The following PARVA variants were observed in gnomAD, a reference collection of about 807,000 sequenced individuals.
PARVA encodes the protein parvin alpha.
A neutral mutation model predicts 52.6 loss-of-function variants in PARVA; 25 were observed. The ratio of observed to expected loss-of-function variants is 0.48; its 90% CI spans 0.35 to 0.66. The LOEUF is 0.66. PARVA is among the 30% of genes least tolerant of loss of function. The probability of loss-of-function intolerance (pLI) is 0.01; values close to 1 mark genes in which losing one functional copy is unlikely to be tolerated. For synonymous variants in PARVA, 185 were observed against 179.1 expected (o/e 1.03, Z -0.26); for missense variants, 373 against 450.9 (o/e 0.83, Z 1.56).
chr11:12,518,000 A>G (rs1442894845), intron 11 of PARVA, among the ~76,000 whole-genome samples: 1 of 152,166 alleles, frequency 6.6e-6, no homozygotes, highest in Admixed American at 6.5e-5. Context: ...AGAGATGACA[A>G]GGAAAGTGAC....
At chr11:12,477,039 G>C (rs1004423027) in intron 3 of PARVA, 2 of 152,144 alleles carry the variant, frequency 1.3e-5, no homozygotes, top group East Asian at 1.9e-4. Context: ...TCTGTATCTC[G>C]ATTGTGGTGG....
At chr11:12,451,929 A>C (rs1452300307) in intron 1 of PARVA, among the ~76,000 whole-genome samples, 1 of 151,884 alleles carries the variant, frequency 6.6e-6, no homozygotes, top group Admixed American at 6.5e-5. Context: ...TCAAATGATC[A>C]TGGGTAGCAT....
intron 1 of PARVA, among the ~76,000 whole-genome samples, chr11:12,391,536 G>A (rs897992801): frequency 6.6e-6 from 1 of 152,210 alleles, no homozygotes; most frequent in African/African-American, 2.4e-5. Context: ...TCTGGGGTTG[G>A]AAGGTTGTGT....
chr11:12,394,898 C>T (rs1036440717), intron 1 of PARVA, among the ~76,000 whole-genome samples: 8 of 152,082 alleles, frequency 5.3e-5, no homozygotes, highest in Admixed American at 5.2e-4. Context: ...TCTAGACCAG[C>T]CTGACCAACA....
At chr11:12,523,784 C>T (rs1055903612) in intron 12 of PARVA, among the ~76,000 whole-genome samples, 2 of 152,184 alleles carry the variant, frequency 1.3e-5, no homozygotes, top group African/African-American at 4.8e-5. Context: ...GGCCCTGGGC[C>T]AGCACACAGA....
chr11:12,394,210 G>C (rs1939703021), intron 1 of PARVA, among the ~76,000 whole-genome samples: 1 of 152,106 alleles, frequency 6.6e-6, no homozygotes. Flanking sequence ...CACTGGGCTT[G>C]GAATGCCCCC....
chr11:12,418,925 C>T (rs1940107500), intron 1 of PARVA, among the ~76,000 whole-genome samples: 1 of 152,182 alleles, frequency 6.6e-6, no homozygotes, highest in South Asian at 2.1e-4. Context: ...TAGTAATTTA[C>T]TTAATCCTCA....
intron 1 of PARVA, among the ~76,000 whole-genome samples, chr11:12,472,918 T>C (rs752362378): frequency 6.6e-6 from 1 of 152,144 alleles, no homozygotes; most frequent in Non-Finnish European, 1.5e-5. Flanking sequence ...AGGAATTCTT[T>C]TGTACTAAGG....
intron 4 of PARVA, 64 bp downstream of exon 4, chr11:12,478,013 T>G (rs773505028): frequency 5.7e-6 from 5 of 872,744 alleles, no homozygotes; most frequent in Non-Finnish European, 8.0e-6. Context: ...CACCTACTTG[T>G]AGCTAGAAGG....
At chr11:12,453,131 G>A (rs1940647325) in intron 1 of PARVA, 3 of 434,686 alleles carry the variant, frequency 6.9e-6, no homozygotes, top group Admixed American at 2.4e-5. Context: ...TGGGGTTTGA[G>A]TTGAGATGGT....
intron 1 of PARVA, among the ~76,000 whole-genome samples, chr11:12,408,960 G>A (rs1589946510): frequency 6.6e-6 from 1 of 152,268 alleles, no homozygotes; most frequent in East Asian, 1.9e-4. Flanking sequence ...GTACAGCCAC[G>A]AGAGTTCAAG....
chr11:12,448,661 C>T (rs1940580373), intron 1 of PARVA, among the ~76,000 whole-genome samples: 1 of 152,146 alleles, frequency 6.6e-6, no homozygotes, highest in Non-Finnish European at 1.5e-5. Context: ...CCCGAGTCAG[C>T]CTCAGGTCAA....
At chr11:12,494,471 A>T (rs1941272267) in intron 4 of PARVA, among the ~76,000 whole-genome samples, 1 of 152,202 alleles carries the variant, frequency 6.6e-6, no homozygotes, top group Non-Finnish European at 1.5e-5. Flanking sequence ...GTTATGAATA[A>T]CAAAAGATGT....
intron 1 of PARVA, among the ~76,000 whole-genome samples, chr11:12,422,361 A>C (rs1009930616): frequency 6.6e-6 from 1 of 152,210 alleles, no homozygotes; most frequent in African/African-American, 2.4e-5. Flanking sequence ...GTCCCTAAAG[A>C]AGAATTAAGG....
At chr11:12,519,613 C>T (rs1167663180) in intron 12 of PARVA, among the ~76,000 whole-genome samples, 1 of 152,074 alleles carries the variant, frequency 6.6e-6, no homozygotes, top group East Asian at 1.9e-4. Context: ...CCATAAGGAC[C>T]AGGTAGGGCT....
At chr11:12,379,753 C>T (rs1165435172) in intron 1 of PARVA, among the ~76,000 whole-genome samples, 3 of 152,182 alleles carry the variant, frequency 2.0e-5, no homozygotes, top group Admixed American at 2.0e-4. Context: ...CGAGAAGCAG[C>T]AAAAACATAC....
At chr11:12,451,644 T>C (rs1940625224) in intron 1 of PARVA, among the ~76,000 whole-genome samples, 1 of 152,236 alleles carries the variant, frequency 6.6e-6, no homozygotes, top group Non-Finnish European at 1.5e-5. Context: ...AACCTTTTAG[T>C]TCAGTCCTAC....
chr11:12,475,323 C>T (rs574385006), intron 3 of PARVA, among the ~76,000 whole-genome samples: 36 of 152,330 alleles, frequency 2.4e-4, no homozygotes, highest in Non-Finnish European at 3.1e-4. Context: ...TGCCATGGCT[C>T]AACCACTCCA....
chr11:12,504,547 G>A (rs971682077), intron 6 of PARVA, 118 bp downstream of exon 6: 48 of 676,286 alleles, frequency 7.1e-5, no homozygotes, highest in African/African-American at 6.6e-4. Flanking sequence ...GTGAGCCTGG[G>A]TGTGCAGTAT....
Sources: gnomAD v4.1 joint callset for allele counts (sites outside exome capture counted in the v4.1 genomes callset) on GRCh38, gnomAD v4.1.1 for gene constraint, MANE v1.5 for transcripts, NCBI Gene and HGNC (gene_info 2026-07-23, HGNC 2026-07-21) for gene names.